The following BCL6 variants were observed in gnomAD, a reference collection of about 807,000 sequenced individuals.
BCL6 encodes BCL6 transcription repressor, also known as B-cell lymphoma 6 protein.
Under a neutral mutation model 59.5 loss-of-function variants are expected in BCL6, and 7 were observed. That is an observed-to-expected ratio of 0.12 (90% CI 0.07 to 0.22). The LOEUF is 0.22. Among genes scored for constraint, BCL6 ranks in the 10% least tolerant of loss-of-function variants. The pLI, the probability that BCL6 is intolerant of heterozygous loss-of-function variation, is 1.00. For missense variants in BCL6, 685 were observed against 939.4 expected, an observed-to-expected ratio of 0.73 and a Z score of 3.54; for synonymous variants, 339 against 349.7, an observed-to-expected ratio of 0.97 and a Z score of 0.34.
intron 5 of BCL6, 60 bp from the exon 6 acceptor site, chr3:187,728,604 C>T: frequency 6.6e-7 from 1 of 1,516,226 alleles, no homozygotes; most frequent in East Asian, 2.3e-5. Flanking sequence ...ACCACCCTCT[C>T]CTCCCTGTGT....
intron 1 of BCL6, among the ~76,000 whole-genome samples, chr3:187,743,725 C>T (rs1410560669): frequency 6.6e-6 from 1 of 150,732 alleles, no homozygotes; most frequent in Non-Finnish European, 1.5e-5. Flanking sequence ...CTCCTGCTGC[C>T]CCCCCGCCCT....
intron 1 of BCL6, among the ~76,000 whole-genome samples, chr3:187,739,085 C>T (rs1427359501): frequency 6.6e-6 from 1 of 152,148 alleles, no homozygotes; most frequent in African/African-American, 2.4e-5. Flanking sequence ...CCAGAGCCTC[C>T]CGATTTGGAG....
At position 187,729,570 on chromosome 3, in the gene BCL6, C is replaced by G. The variant is rs764799764; in HGVS notation, c.835G>C (p.Glu279Gln). ...GAGGGGGCAGCAGGTTTGAGGCCCT[C>G]AGCCACACTGTAGTGCATATCACTT... The part of the protein sequence containing the change: ...ARSDMHYSVA[E>Q]GLKPAAPSAR... The change falls in exon 5 of 10, where the codon GAG becomes CAG. Residue 279 changes from glutamate to glutamine, a missense_variant. This residue lies in a region of BCL6 where 268 missense variants were observed against 263.8 expected (regional missense o/e 1.02). Transcript: ENST00000406870. The surrounding 1 kb of genome is among the most constrained non-coding windows in gnomAD (Gnocchi z 5.6). The G allele has an allele frequency of 5.0e-6, 8 of 1,614,092 alleles. No individual in the cohort carries two copies.
At position 187,728,345 on chromosome 3, in the gene BCL6, G is replaced by C; in HGVS notation, c.1540+15C>G. 1.3e-6 allele frequency: 2 copies of C among 1,566,434 alleles called. No homozygotes were observed. Among genetic ancestry groups the C allele is most frequent in the Non-Finnish European group, 1.7e-6 (2 of 1,154,032 alleles). The stretch of plus-strand genomic sequence containing the variant: ...TCCTTCTCCCTGACAAGAGGAGGGA[G>C]GGAAAAGGACTCACCACAGCTAGAA... On this transcript the variant is annotated intron_variant, in intron 6 of 9. Coordinates refer to ENST00000406870, the MANE Select transcript of BCL6 (RefSeq NM_001706.5).
intron 1 of BCL6, among the ~76,000 whole-genome samples, chr3:187,744,889 G>C (rs142953249): frequency 6.6e-6 from 1 of 152,104 alleles, no homozygotes; most frequent in African/African-American, 2.4e-5. Context: ...CAAGCCGTAC[G>C]CAAGCAGCAG....
At chr3:187,733,917 A>G in intron 2 of BCL6, 1 of 574,104 alleles carries the variant, frequency 1.7e-6, no homozygotes, top group Non-Finnish European at 3.1e-6. Context: ...TTGGGATAGA[A>G]AGCCCTTTAG....
In BCL6 at chr3:187,729,634, A is replaced by G. The variant is rs1327518996; in HGVS notation, c.771T>C (p.Asn257=). 2 of 1,614,058 alleles carry G rather than the reference A, an allele frequency of 1.2e-6. No individual in the cohort carries two copies. The highest frequency in any genetic ancestry group is 1.7e-6 in the Non-Finnish European group (2 of 1,180,008). ...GGATTGTTTCCTTGGGTGAATAGAT[A>G]TTGCTGTGGCACACATTGGGGGACA... ...LEVSPNVCHS[N]IYSPKETIPE... is the part of the protein sequence containing the mutation. The change falls in exon 5 of 10, where the codon AAT becomes AAC. Residue 257 remains asparagine (N), a synonymous_variant. Coordinates refer to ENST00000406870, the MANE Select transcript of BCL6 (RefSeq NM_001706.5). The surrounding 1 kb of genome is among the most constrained non-coding windows in gnomAD (Gnocchi z 5.6).
chr3:187,744,932 T>C (rs1711842610), intron 1 of BCL6, among the ~76,000 whole-genome samples: 3 of 152,178 alleles, frequency 2.0e-5, no homozygotes, highest in Non-Finnish European at 2.9e-5. Context: ...GCGCGTCCTC[T>C]CCGCGGTCTG....
intron 1 of BCL6, among the ~76,000 whole-genome samples, chr3:187,742,989 A>C (rs1039632153): frequency 4.3e-4 from 65 of 151,550 alleles, no homozygotes; most frequent in African/African-American, 1.5e-3. Flanking sequence ...AGCAAAATAG[A>C]TACCTGTCTC....
In BCL6 at chr3:187,729,864, C is replaced by T. The variant is rs1473954844; in HGVS notation, c.541G>A (p.Ala181Thr). The change falls in exon 5 of 10, where the codon GCC becomes ACC. Residue 181 changes from alanine (A) to threonine (T), a missense_variant. By Grantham distance (58) the Ala-to-Thr change is moderately conservative. This residue lies in a region of BCL6 where 268 missense variants were observed against 263.8 expected (regional missense o/e 1.02). Coordinates refer to ENST00000406870, the MANE Select transcript of BCL6 (RefSeq NM_001706.5). The surrounding 1 kb of genome is among the most constrained non-coding windows in gnomAD (Gnocchi z 5.6). ...SAPGCESRAF[A>T]PSLYSGLSTP... ...GACAGGCCACTGTACAGGCTGGGGG[C>T]AAAGGCTCTGCTCTCACACCCAGGG... The T allele has an allele frequency of 1.9e-6, 3 of 1,613,906 alleles. No individual in the cohort carries two copies. Among genetic ancestry groups the T allele is most frequent in the Admixed American group, 1.7e-5 (1 of 59,986 alleles).
intron 1 of BCL6, chr3:187,737,374 AGAGAG>A (rs1719334141): frequency 6.7e-6 from 1 of 150,218 alleles, no homozygotes; most frequent in African/African-American, 2.5e-5. Flanking sequence ...AGAGAGAGAG[AGAGAG>A]AGAGAGAGAG....
At chr3:187,741,189 A>T (rs1579827963) in intron 1 of BCL6, among the ~76,000 whole-genome samples, 1 of 152,166 alleles carries the variant, frequency 6.6e-6, no homozygotes, top group African/African-American at 2.4e-5. Flanking sequence ...AATTTAGTGT[A>T]TGTAATTCCG....
At position 187,728,552 on chromosome 3, in the gene BCL6, C is replaced by T; in HGVS notation, c.1356-8G>A. 6.3e-7 allele frequency: 1 copy of T among 1,596,938 alleles called. No homozygotes were observed. Among genetic ancestry groups the T allele is most frequent in the African/African-American group, 1.4e-5 (1 of 73,534 alleles). The stretch of plus-strand genomic sequence containing the variant: ...GGAGAGCCCGTCATGGACCTATGGA[C>T]AGGAGTAAAAACAGCCTCAGCACCT... On this transcript the variant is annotated splice_polypyrimidine_tract_variant and splice_region_variant and intron_variant, in intron 5 of 9. Coordinates refer to ENST00000406870, the MANE Select transcript of BCL6 (RefSeq NM_001706.5).
chr3:187,742,201 C>T (rs1203974060), intron 1 of BCL6, among the ~76,000 whole-genome samples: 1 of 152,124 alleles, frequency 6.6e-6, no homozygotes, highest in Non-Finnish European at 1.5e-5. Flanking sequence ...CGAGGGGTGG[C>T]GCTGCTGCAC....
Position 187,726,875 on chromosome 3 carries a change from C to T in BCL6, c.1564G>A (p.Glu522Lys). ...TCCTCAGAGAAGCGGCAGTCACACTCATTGCAGAAGAAGGCCCCGTTCTCT... is the reference window on the plus strand; with the variant it reads ...TCCTCAGAGAAGCGGCAGTCACACTTATTGCAGAAGAAGGCCCCGTTCTCT... ...SCENGAFFCN[E>K]CDCRFSEEAS... is the part of the protein sequence containing the mutation. Residue 522 changes from glutamate (E) to lysine (K), a missense_variant, in exon 7 of 10, where the codon GAG (glutamate) becomes AAG (lysine). Physicochemically the swap from Glu to Lys is moderately conservative, Grantham distance 56. Coordinates refer to ENST00000406870, the MANE Select transcript of BCL6 (RefSeq NM_001706.5). 6.2e-7 allele frequency: 1 copy of T among 1,614,154 alleles called. No homozygotes were observed. Among genetic ancestry groups the T allele is most frequent in the Non-Finnish European group, 8.5e-7 (1 of 1,180,022 alleles).
chr3:187,745,041 A>G (rs1576886170), intron 1 of BCL6, among the ~76,000 whole-genome samples: 1 of 145,608 alleles, frequency 6.9e-6, no homozygotes, highest in South Asian at 2.2e-4. Context: ...CCTCTCCTCC[A>G]CCTCCTTTCC....
intron 9 of BCL6, among the ~76,000 whole-genome samples, chr3:187,723,184 G>T (rs1042840927): frequency 5.9e-5 from 9 of 152,170 alleles, no homozygotes; most frequent in African/African-American, 2.2e-4. Flanking sequence ...TGGAGTCTAG[G>T]GTAAATTTTT....
chr3:187,731,004 T>C (rs997849741), intron 4 of BCL6, among the ~76,000 whole-genome samples: 3 of 152,206 alleles, frequency 2.0e-5, no homozygotes, highest in East Asian at 3.9e-4. Flanking sequence ...CACCCTAGCA[T>C]GGCTGGATCA....
chr3:187,724,828 G>T (rs201350115), intron 9 of BCL6, 113 bp downstream of exon 9: 3 of 1,439,104 alleles, frequency 2.1e-6, no homozygotes, highest in East Asian at 2.4e-5. Flanking sequence ...TGCTTGAGAT[G>T]GGAGCAAACA....
Sources: allele counts gnomAD v4.1 joint callset (sites outside exome capture counted in the v4.1 genomes callset), GRCh38; gene constraint gnomAD v4.1.1; regional missense constraint gnomAD v4.1.1; non-coding constraint Gnocchi (gnomAD v3.1); transcripts MANE v1.5; gene names NCBI Gene and HGNC (gene_info 2026-07-23, HGNC 2026-07-21).